Variants in MAP3K15 observed in about 807,000 individuals in gnomAD.
MAP3K15 encodes the protein mitogen-activated protein kinase kinase kinase 15, also known as MAPK/ERK kinase kinase 15.
In MAP3K15, 124 loss-of-function variants were observed where a neutral mutation model predicts 99.5. The ratio of observed to expected loss-of-function variants is 1.25; its 90% CI spans 1.08 to 1.45. The LOEUF (loss-of-function observed/expected upper bound fraction) is 1.45, where lower values mean the gene tolerates loss of function less well. MAP3K15 is among the 40% of genes most tolerant of loss of function. The probability of loss-of-function intolerance (pLI) is 0.00; values close to 1 mark genes in which losing one functional copy is unlikely to be tolerated. For synonymous variants in MAP3K15, 494 were observed against 439.6 expected, an observed-to-expected ratio of 1.12 and a Z score of -1.55; for missense variants, 1,242 against 1,079.7, an observed-to-expected ratio of 1.15 and a Z score of -2.11.
chrX:19,394,967 G>A, intron 16 of MAP3K15, 114 bp downstream of exon 16: 3 of 899,015 alleles, frequency 3.3e-6, no homozygotes, highest in Non-Finnish European at 1.5e-6. Context: ...GGGACTACAG[G>A]CGCCCTACAG....
At chrX:19,410,004 T>C (rs1304368968) in intron 11 of MAP3K15, 31 bp from the exon 12 acceptor site, 2 of 1,157,801 alleles carry the variant, frequency 1.7e-6, no homozygotes, top group East Asian at 6.0e-5. Context: ...AAGTCAATAG[T>C]TTGAGTTTTT....
intron 2 of MAP3K15, among the ~76,000 whole-genome samples, chrX:19,487,304 A>G (rs2064335135): frequency 8.9e-6 from 1 of 111,814 alleles, no homozygotes; most frequent in African/African-American, 3.3e-5. Flanking sequence ...ATTATTAAAA[A>G]TTAAAACATC....
At chrX:19,433,325 A>C (rs1276229798) in intron 6 of MAP3K15, among the ~76,000 whole-genome samples, 1 of 111,843 alleles carries the variant, frequency 8.9e-6, no homozygotes, top group Non-Finnish European at 1.9e-5. Context: ...TGAGTAAAGA[A>C]GACCACCCTC....
In MAP3K15 at chrX:19,452,352, AAGAG is replaced by A. The variant is rs1334155546; in HGVS notation, c.995+4557_995+4560del. 3.0e-3 allele frequency among the ~76,000 whole-genome samples: 6 copies of A among 2,008 alleles called. 2 individuals carry two copies. The highest frequency in any genetic ancestry group is 0.071 in the South Asian group (2 of 28). 1.7% of individuals were successfully genotyped at this position (2,008 alleles called of 115,157 possible). ...AGAGAAGAGAAGAGAAGAGAAGAGA[AAGAG>A]AAGAGAAGAGAAGAGAAGAGAGAAA... On this transcript the variant is annotated intron_variant, in intron 6 of 28. Coordinates refer to ENST00000338883, the MANE Select transcript of MAP3K15 (RefSeq NM_001001671.4).
chrX:19,460,638 A>G (rs2064125153), intron 4 of MAP3K15, among the ~76,000 whole-genome samples: 1 of 111,990 alleles, frequency 8.9e-6, no homozygotes, highest in African/African-American at 3.2e-5. Flanking sequence ...AGGGCTGGAA[A>G]CTGGTGTTGA....
At chrX:19,369,743 C>G (rs920726360) in intron 24 of MAP3K15, among the ~76,000 whole-genome samples, 1 of 109,047 alleles carries the variant, frequency 9.2e-6, no homozygotes, top group Non-Finnish European at 1.9e-5. Flanking sequence ...GGTGAAACCC[C>G]GTCTCTACTA....
chrX:19,391,693 A>G (rs1380188174), intron 18 of MAP3K15, among the ~76,000 whole-genome samples: 30 of 107,969 alleles, frequency 2.8e-4, no homozygotes, highest in Middle Eastern at 4.7e-3. Context: ...AAAAAAAAAA[A>G]AAAGAAAGAA....
intron 19 of MAP3K15, among the ~76,000 whole-genome samples, chrX:19,379,301 T>A (rs1281001483): frequency 9.1e-6 from 1 of 109,851 alleles, no homozygotes; most frequent in African/African-American, 3.3e-5. Flanking sequence ...TTTCTTTTTT[T>A]TTTTTAAACC....
intron 9 of MAP3K15, among the ~76,000 whole-genome samples, chrX:19,422,562 A>G (rs79173851): frequency 0.066 from 7,360 of 111,620 alleles, 614 homozygotes; most frequent in African/African-American, 0.22. Flanking sequence ...AAATAGGAAC[A>G]CTTTTACACT....
chrX:19,481,248 G>A, intron 3 of MAP3K15, among the ~76,000 whole-genome samples: 1 of 109,746 alleles, frequency 9.1e-6, no homozygotes, highest in Non-Finnish European at 1.9e-5. Context: ...TGACGAGGGT[G>A]GAAAGATGAT....
At chrX:19,438,178 C>T (rs984914373) in intron 6 of MAP3K15, among the ~76,000 whole-genome samples, 6 of 111,551 alleles carry the variant, frequency 5.4e-5, no homozygotes, top group African/African-American at 9.8e-5. Context: ...GGTGTGATCA[C>T]GGCTCACTGT....
chrX:19,476,012 G>A (rs1214401185), intron 3 of MAP3K15, among the ~76,000 whole-genome samples: 1 of 112,003 alleles, frequency 8.9e-6, no homozygotes. Context: ...CTCACAGCAG[G>A]TGGCAAAGCT....
At chrX:19,401,481 C>T (rs745663153) in intron 13 of MAP3K15, among the ~76,000 whole-genome samples, 114 of 111,713 alleles carry the variant, frequency 1.0e-3, no homozygotes, top group African/African-American at 3.4e-3. Flanking sequence ...CATGAGCCCC[C>T]GCACCCAGCC....
intron 4 of MAP3K15, among the ~76,000 whole-genome samples, chrX:19,460,570 G>T (rs888602571): frequency 3.6e-5 from 4 of 110,726 alleles, no homozygotes; most frequent in African/African-American, 9.8e-5. Flanking sequence ...ACTTGAAAAT[G>T]AATTTCTCTA....
At chrX:19,417,925 C>G (rs1381673957) in intron 9 of MAP3K15, among the ~76,000 whole-genome samples, 1 of 112,215 alleles carries the variant, frequency 8.9e-6, no homozygotes, top group African/African-American at 3.2e-5. Flanking sequence ...GATACCCAGG[C>G]AAACAGGGTC....
chrX:19,459,180 G>A (rs2064114094), intron 5 of MAP3K15, among the ~76,000 whole-genome samples: 1 of 111,702 alleles, frequency 9.0e-6, no homozygotes. Context: ...TAGGAACAAG[G>A]ACAACGGAGC....
rs975091769 is a variant in MAP3K15, at chrX:19,367,028, T to C, written c.3566+2026A>G. On this transcript the variant is annotated intron_variant, in intron 25 of 28. Transcript: ENST00000338883. ...AATATAAATGGTTCTATTATAAAGA[T>C]ACATGCACATATATGTTCATTGCAG... Among the ~76,000 whole-genome samples, 7 of 112,143 alleles carry C rather than the reference T, an allele frequency of 6.2e-5. No homozygotes were observed. The East Asian group carries it at 1.7e-3, about 27-fold the overall frequency.
chrX:19,417,351 C>T (rs1262994280), intron 9 of MAP3K15, among the ~76,000 whole-genome samples: 3 of 112,216 alleles, frequency 2.7e-5, no homozygotes, highest in Non-Finnish European at 3.8e-5. Flanking sequence ...CACCCTAATA[C>T]TGCGCTTTTC....
chrX:19,364,638 A>C (rs28366915), intron 25 of MAP3K15, among the ~76,000 whole-genome samples: 23,848 of 110,807 alleles, frequency 0.22, 4,996 homozygotes, highest in African/African-American at 0.66. Flanking sequence ...CGGCAGCTCA[A>C]GCCTGTAATC....
Sources: gnomAD v4.1 joint callset for allele counts (sites outside exome capture counted in the v4.1 genomes callset) on GRCh38, gnomAD v4.1.1 for gene constraint, MANE v1.5 for transcripts, NCBI Gene and HGNC (gene_info 2026-07-23, HGNC 2026-07-21) for gene names.